BLACAT1: variants seen among roughly 807,000 people sequenced by gnomAD.
BLACAT1 encodes the protein BLACAT1 overlapping LEMD1 locus.
At chr1:205,437,457 G>A (rs949492932), downstream of BLACAT1, 10 of 152,290 alleles carry the variant, frequency 6.6e-5, no homozygotes, top group Non-Finnish European at 1.5e-4. Flanking sequence ...GCTGTAGGAG[G>A]GAAGAGAGGC....
In BLACAT1 at chr1:205,450,172, T is replaced by C. The variant is rs1008436036; in HGVS notation, c.-37+5745A>G. ...TATTCCTTCAACCCTGACTTGGGCC[T>C]GAGTAACAAAGGTCTCATTGAGCCT... On this transcript the variant is annotated intron_variant, in intron 1 of 1. Coordinates refer to ENST00000629624, the Ensembl canonical transcript of BLACAT1. This position sits in a 1 kb window ranked among gnomAD's most constrained non-coding sequence, Gnocchi z 4.4. Among the ~76,000 whole-genome samples, 1 of 152,086 alleles carries C rather than the reference T, an allele frequency of 6.6e-6. No individual in the cohort carries two copies. The highest frequency in any genetic ancestry group is 1.5e-5 in the Non-Finnish European group (1 of 67,996).
chr1:205,444,012 T>G lies in BLACAT1; in HGVS notation c.-36-2950A>C, dbSNP rs186943420. 1.6e-3 allele frequency among the ~76,000 whole-genome samples: 251 copies of G among 152,248 alleles called. 2 individuals are homozygous for G. The highest frequency in any genetic ancestry group is 5.9e-3 in the African/African-American group (244 of 41,536). On this transcript the variant is annotated intron_variant, in intron 1 of 1. Transcript: ENST00000629624. ...CTTGGCAGAGGGCTCCAGTACCAGC[T>G]GGAGGCTCCCTGAAGTCAGGTCCCC...
downstream of BLACAT1, among the ~76,000 whole-genome samples, chr1:205,438,289 C>T (rs1666238827): frequency 6.6e-6 from 1 of 152,218 alleles, no homozygotes; most frequent in Non-Finnish European, 1.5e-5. Context: ...AATCATCTAC[C>T]CATGTGCCCC....
At chr1:205,440,263 C>T (rs1010202756) in exon 2 of BLACAT1, among the ~76,000 whole-genome samples, 3 of 152,074 alleles carry the variant, frequency 2.0e-5, no homozygotes, top group Non-Finnish European at 4.4e-5. Flanking sequence ...GGGTCAGGGC[C>T]GGGGCTGGAG....
intron 1 of BLACAT1, among the ~76,000 whole-genome samples, chr1:205,445,062 G>T (rs1420081685): frequency 6.6e-6 from 1 of 152,180 alleles, no homozygotes; most frequent in Non-Finnish European, 1.5e-5. Context: ...ATTCATCACT[G>T]CGAAGGGAAG....
chr1:205,436,476 A>G (rs765904216), downstream of BLACAT1: 1 of 150,658 alleles, frequency 6.6e-6, no homozygotes, highest in African/African-American at 2.4e-5. Flanking sequence ...ACTGGCCACA[A>G]TAACCCCGGC....
downstream of BLACAT1, among the ~76,000 whole-genome samples, chr1:205,438,715 G>A (rs1666247184): frequency 6.6e-6 from 1 of 152,136 alleles, no homozygotes; most frequent in Non-Finnish European, 1.5e-5. Flanking sequence ...TGGAGGCAGA[G>A]GACAACTGGA....
intron 1 of BLACAT1, among the ~76,000 whole-genome samples, chr1:205,449,591 ACACAGCACACAG>A (rs1666459429): frequency 6.6e-6 from 1 of 151,942 alleles, no homozygotes. Context: ...ACAGCACAGC[ACACAGCACACAG>A]CACAGCACAG....
At chr1:205,449,294 G>A (rs1479270529) in intron 1 of BLACAT1, among the ~76,000 whole-genome samples, 1 of 152,158 alleles carries the variant, frequency 6.6e-6, no homozygotes, top group Non-Finnish European at 1.5e-5. Flanking sequence ...CTCCCATGAC[G>A]GGTCAGCTGC....
exon 2 of BLACAT1, among the ~76,000 whole-genome samples, chr1:205,440,425 G>C (rs923886589): frequency 1.3e-5 from 2 of 152,210 alleles, no homozygotes; most frequent in African/African-American, 4.8e-5. Context: ...TCTTGCCCCA[G>C]GTCCTGGAAT....
intron 1 of BLACAT1, among the ~76,000 whole-genome samples, chr1:205,453,221 G>A (rs185132483): frequency 1.1e-4 from 17 of 152,292 alleles, no homozygotes; most frequent in South Asian, 8.3e-4. Flanking sequence ...ACCAACGCAC[G>A]AGAAGGCTAG....
At chr1:205,442,148 C>T (rs1049035957) in intron 1 of BLACAT1, among the ~76,000 whole-genome samples, 1 of 152,158 alleles carries the variant, frequency 6.6e-6, no homozygotes, top group Non-Finnish European at 1.5e-5. Flanking sequence ...AAGCGCCCTG[C>T]GTGGAGGTCA....
intron 1 of BLACAT1, among the ~76,000 whole-genome samples, chr1:205,443,958 A>T (rs1419560118): frequency 6.6e-6 from 1 of 150,956 alleles, no homozygotes; most frequent in Non-Finnish European, 1.5e-5. Context: ...AGTCCTGTCG[A>T]CTCTCTTCCC....
At chr1:205,447,483 A>T (rs1483002818) in intron 1 of BLACAT1, among the ~76,000 whole-genome samples, 1 of 152,152 alleles carries the variant, frequency 6.6e-6, no homozygotes, top group Non-Finnish European at 1.5e-5. Context: ...AACAGGGAGT[A>T]GGAGGCGGGG....
At chr1:205,436,469 G>A (rs1006917722), downstream of BLACAT1, 5 of 151,822 alleles carry the variant, frequency 3.3e-5, no homozygotes, top group African/African-American at 1.2e-4. Context: ...CAGGCGGACT[G>A]GCCACAATAA....
chr1:205,454,521 G>C (rs1666538708), intron 1 of BLACAT1, among the ~76,000 whole-genome samples: 1 of 149,374 alleles, frequency 6.7e-6, no homozygotes, highest in Non-Finnish European at 1.5e-5. Context: ...AGTGTTATCT[G>C]GTGTGAGTGT....
chr1:205,454,110 C>T (rs1666532686), intron 1 of BLACAT1, among the ~76,000 whole-genome samples: 1 of 152,154 alleles, frequency 6.6e-6, no homozygotes, highest in African/African-American at 2.4e-5. Context: ...GCTTCAGGGA[C>T]ACCACTCATT....
chr1:205,451,341 C>T (rs1281454075), intron 1 of BLACAT1, among the ~76,000 whole-genome samples: 1 of 152,214 alleles, frequency 6.6e-6, no homozygotes, highest in African/African-American at 2.4e-5. Context: ...GAGTTTCCAC[C>T]CCTCCCTAGC....
chr1:205,442,691 G>A (rs908913031), intron 1 of BLACAT1, among the ~76,000 whole-genome samples: 10 of 152,162 alleles, frequency 6.6e-5, no homozygotes, highest in Non-Finnish European at 1.3e-4. Context: ...TTAATAACCC[G>A]ATTTCCAGCA....
Sources: allele counts gnomAD v4.1 joint callset (sites outside exome capture counted in the v4.1 genomes callset), GRCh38; gene constraint gnomAD v4.1.1; non-coding constraint Gnocchi (gnomAD v3.1); transcripts MANE v1.5; gene names NCBI Gene and HGNC (gene_info 2026-07-23, HGNC 2026-07-21).